ATP10D: variants seen among roughly 807,000 people sequenced by gnomAD.
ATP10D encodes the protein ATPase phospholipid transporting 10D (putative).
A neutral mutation model predicts 144.8 loss-of-function variants in ATP10D; 89 were observed. The ratio of observed to expected loss-of-function variants is 0.61; its 90% CI spans 0.52 to 0.73. ATP10D has a LOEUF of 0.73. Among genes scored for constraint, ATP10D ranks in the 30% least tolerant of loss-of-function variants. ATP10D has a pLI of 0.00. For synonymous variants in ATP10D, 571 were observed against 615.1 expected, an observed-to-expected ratio of 0.93 and a Z score of 1.06; for missense variants, 1,603 against 1,714.8, an observed-to-expected ratio of 0.93 and a Z score of 1.15.
rs201618087 is a variant in ATP10D at position 47,535,904 on chromosome 4, C to T, written c.886C>T (p.His296Tyr). 95 of 1,610,960 alleles carry T rather than the reference C, an allele frequency of 5.9e-5. No homozygotes were observed. The highest frequency in any genetic ancestry group is 2.4e-4 in the Admixed American group (14 of 59,462). Reference sequence around the variant, plus strand: ...ATCATACTGCACATCCTTCATAGGCCATGAAACCAAAGCAATGCTGAACAA... The same window carrying T: ...ATCATACTGCACATCCTTCATAGGCTATGAAACCAAAGCAATGCTGAACAA... ...AVVGIVVYAG[H>Y]ETKAMLNNSG... is the part of the protein sequence containing the mutation. Residue 296 changes from histidine to tyrosine, a missense_variant and splice_region_variant, in exon 7 of 23, where the codon CAT becomes TAT. Coordinates refer to ENST00000273859, the MANE Select transcript of ATP10D (RefSeq NM_020453.4).
chr4:47,559,907 G>T (rs1049355634), intron 13 of ATP10D, among the ~76,000 whole-genome samples: 2 of 152,174 alleles, frequency 1.3e-5, no homozygotes, highest in Non-Finnish European at 2.9e-5. Flanking sequence ...GGCTGAGACA[G>T]GAGAATTGCT....
intron 9 of ATP10D, among the ~76,000 whole-genome samples, chr4:47,538,548 C>T (rs183046614): frequency 6.6e-6 from 1 of 152,298 alleles, no homozygotes; most frequent in African/African-American, 2.4e-5. Context: ...AATATGCTGT[C>T]TCACAGTATC....
intron 1 of ATP10D, among the ~76,000 whole-genome samples, chr4:47,495,211 TATAG>T (rs1329709699): frequency 1.3e-5 from 2 of 152,140 alleles, no homozygotes; most frequent in East Asian, 3.8e-4. Context: ...TAATATTGAG[TATAG>T]CATTATTAGT....
At chr4:47,505,613 A>G (rs1027924645) in intron 1 of ATP10D, among the ~76,000 whole-genome samples, 7 of 152,110 alleles carry the variant, frequency 4.6e-5, no homozygotes, top group African/African-American at 9.7e-5. Context: ...ATGCATGCCT[A>G]TAGTCCCAGC....
chr4:47,568,466 T>A (rs1470809581), intron 15 of ATP10D, among the ~76,000 whole-genome samples: 1 of 152,230 alleles, frequency 6.6e-6, no homozygotes, highest in Non-Finnish European at 1.5e-5. Flanking sequence ...TATTTGCATA[T>A]TTTTAATGAG....
chr4:47,539,788 T>C (rs1718038140), intron 9 of ATP10D, among the ~76,000 whole-genome samples: 1 of 152,220 alleles, frequency 6.6e-6, no homozygotes. Context: ...CACTGCTTTA[T>C]TTTTTTGTAT....
rs192590979 is a variant in ATP10D at position 47,575,788 on chromosome 4, A to T, written c.3367-985A>T. ...GGCTTGTAAACAACATTTCTTCCCC[A>T]CTATTCTGGAGGCTGGAAATCCAGA... On this transcript the variant is annotated intron_variant, in intron 18 of 22. Coordinates refer to ENST00000273859, the MANE Select transcript of ATP10D (RefSeq NM_020453.4). Among the ~76,000 whole-genome samples the T allele has an allele frequency of 1.4e-4, 21 of 151,996 alleles. No homozygotes were observed. The East Asian group carries it at 4.1e-3, about 29-fold the overall frequency.
intron 21 of ATP10D, among the ~76,000 whole-genome samples, chr4:47,582,275 C>G (rs1039313645): frequency 6.6e-6 from 1 of 152,052 alleles, no homozygotes; most frequent in Non-Finnish European, 1.5e-5. Flanking sequence ...CTGCCTTGCT[C>G]CCTTTGGTAG....
At chr4:47,493,742 T>C (rs2109382258) in intron 1 of ATP10D, among the ~76,000 whole-genome samples, 1 of 152,274 alleles carries the variant, frequency 6.6e-6, no homozygotes, top group South Asian at 2.1e-4. Context: ...ATGCAAATTA[T>C]CAGGCCACTG....
Position 47,558,229 on chromosome 4 carries a change from G to C in ATP10D, c.2390G>C (p.Gly797Ala). 1.9e-6 allele frequency: 3 copies of C among 1,614,138 alleles called. No homozygotes were observed. Among genetic ancestry groups the C allele is most frequent in the Non-Finnish European group, 2.5e-6 (3 of 1,179,986 alleles). Residue 797 changes from glycine to alanine, a missense_variant, in exon 12 of 23, where the codon GGC (glycine) becomes GCC (alanine). Coordinates refer to ENST00000273859, the MANE Select transcript of ATP10D (RefSeq NM_020453.4). Reference protein sequence around the residue: ...LSNQVVVYTKGADSVIMELLS... With the variant: ...LSNQVVVYTKAADSVIMELLS... ...AATCAAGTTGTGGTGTATACGAAAG[G>C]CGCTGATTCTGTGATCATGGAGTTA...
chr4:47,548,368 T>C (rs950728431), intron 10 of ATP10D, among the ~76,000 whole-genome samples: 2 of 152,214 alleles, frequency 1.3e-5, no homozygotes, highest in Admixed American at 1.3e-4. Context: ...AATATCACCT[T>C]TTTCTGAAGA....
intron 10 of ATP10D, among the ~76,000 whole-genome samples, chr4:47,549,950 C>CTTT (rs57539413): frequency 1.6e-5 from 2 of 128,184 alleles, no homozygotes; most frequent in Non-Finnish European, 3.4e-5. Context: ...TCACCTTTGT[C>CTTT]TTTTTTTTTT....
At chr4:47,555,400 G>C (rs1009989440) in intron 11 of ATP10D, among the ~76,000 whole-genome samples, 3 of 152,184 alleles carry the variant, frequency 2.0e-5, no homozygotes, top group Non-Finnish European at 4.4e-5. Flanking sequence ...AAAAGGTTGA[G>C]GACCGCTGGT....
At chr4:47,582,627 A>G (rs1286722575) in intron 21 of ATP10D, among the ~76,000 whole-genome samples, 1 of 152,150 alleles carries the variant, frequency 6.6e-6, no homozygotes, top group East Asian at 1.9e-4. Context: ...TCTTCAGTAC[A>G]TTGAACTGAT....
chr4:47,554,437 A>G (rs1187108553), intron 10 of ATP10D, among the ~76,000 whole-genome samples: 1 of 152,226 alleles, frequency 6.6e-6, no homozygotes, highest in Non-Finnish European at 1.5e-5. Flanking sequence ...TTTCAAAATG[A>G]GAAAACACTC....
chr4:47,521,413 A>G (rs1716939010), intron 3 of ATP10D, among the ~76,000 whole-genome samples: 1 of 152,132 alleles, frequency 6.6e-6, no homozygotes, highest in Non-Finnish European at 1.5e-5. Context: ...TGTTTCCGGT[A>G]CCTAATATGT....
chr4:47,546,681 C>T lies in ATP10D; in HGVS notation c.1454C>T (p.Thr485Ile), dbSNP rs570265180. The stretch of plus-strand genomic sequence containing the variant: ...TCTGAAGATGAAGATTTTATAGACA[C>T]AGTCAGTGGTTCCCTCAGCAATATG... ...AVSEDEDFID[T>I]VSGSLSNMAK... Residue 485 changes from threonine (T) to isoleucine (I), a missense_variant, in exon 10 of 23, where the codon ACA (threonine) becomes ATA (isoleucine). Thr to Ile is a moderately conservative substitution (Grantham distance 89). Coordinates refer to ENST00000273859, the MANE Select transcript of ATP10D (RefSeq NM_020453.4). 17 of 1,614,110 alleles carry T rather than the reference C, an allele frequency of 1.1e-5. No individual in the cohort carries two copies. The East Asian group carries it at 3.3e-4, about 32-fold the overall frequency.
At chr4:47,543,301 C>A (rs996261202) in intron 9 of ATP10D, among the ~76,000 whole-genome samples, 13 of 152,038 alleles carry the variant, frequency 8.6e-5, no homozygotes, top group Non-Finnish European at 1.9e-4. Flanking sequence ...TGGAACATAT[C>A]CCCTGTGAAA....
chr4:47,523,963 A>G (rs760693591), intron 4 of ATP10D, among the ~76,000 whole-genome samples: 3 of 152,218 alleles, frequency 2.0e-5, no homozygotes, highest in East Asian at 3.9e-4. Flanking sequence ...GTCTCGCTCT[A>G]TAGCCCAGGC....
Sources: gnomAD v4.1 joint callset for allele counts (sites outside exome capture counted in the v4.1 genomes callset) on GRCh38, gnomAD v4.1.1 for gene constraint, MANE v1.5 for transcripts, NCBI Gene and HGNC (gene_info 2026-07-23, HGNC 2026-07-21) for gene names.